SEMA6B: variants seen among roughly 807,000 people sequenced by gnomAD.
SEMA6B encodes the protein semaphorin 6B.
A neutral mutation model predicts 78.6 loss-of-function variants in SEMA6B; 47 were observed. That is an observed-to-expected ratio of 0.60 (90% CI 0.47 to 0.76). SEMA6B has a LOEUF of 0.76. SEMA6B is among the 30% of genes least tolerant of loss of function. SEMA6B has a pLI of 0.00. For missense variants in SEMA6B, 1,213 were observed against 1,269.9 expected (o/e 0.96, Z 0.68); for synonymous variants, 632 against 592.2 (o/e 1.07, Z -0.98).
intron 9 of SEMA6B, 30 bp downstream of exon 9, chr19:4,554,358 C>A (rs755578778): frequency 2.6e-6 from 4 of 1,560,828 alleles, no homozygotes; most frequent in Non-Finnish European, 3.5e-6. Flanking sequence ...CAGAGCCTCT[C>A]AACTTCATGC....
chr19:4,546,530 T>TGA, intron 14 of SEMA6B, 61 bp from the exon 15 acceptor site: 1 of 1,222,178 alleles, frequency 8.2e-7, no homozygotes, highest in Non-Finnish European at 1.1e-6. Context: ...ACCCCAATGG[T>TGA]GATGGTGACC....
chr19:4,545,046 T>C (rs1359494883), intron 16 of SEMA6B, among the ~76,000 whole-genome samples: 1 of 152,044 alleles, frequency 6.6e-6, no homozygotes, highest in East Asian at 1.9e-4. Context: ...GTTTGTTTTA[T>C]TAAAGACAGG....
rs1977219522 is a variant in SEMA6B at position 4,548,134 on chromosome 19, C to G, written c.1494G>C (p.Leu498=). Residue 498 remains leucine, a synonymous_variant, in exon 14 of 17, where the codon CTG becomes CTC. Coordinates refer to ENST00000586582, the MANE Select transcript of SEMA6B (RefSeq NM_032108.4). The part of the protein sequence containing the change: ...RPGGGETGQR[L]LSLELDAASG... ...AAGCTGCGTCCAGCTCCAAGCTCAG[C>G]AGCCGCTGCCCTGTCTCGCCACCGC... 6.3e-7 allele frequency: 1 copy of G among 1,591,880 alleles called. No individual in the cohort carries two copies. Among genetic ancestry groups the G allele is most frequent in the African/African-American group, 1.3e-5 (1 of 74,642 alleles).
rs1222206290 is a variant in SEMA6B, at chr19:4,546,279, T to C, written c.1680-5A>G. ...ACGTCCTGCTCAAAGGCGGCTCTAA[T>C]GGGGAGAGGAGGCACCGTCAGCAGA... On this transcript the variant is annotated splice_polypyrimidine_tract_variant and splice_region_variant and intron_variant, in intron 15 of 16. Coordinates refer to ENST00000586582, the MANE Select transcript of SEMA6B (RefSeq NM_032108.4). The C allele has an allele frequency of 4.3e-6, 7 of 1,613,356 alleles. No individual in the cohort carries two copies. The highest frequency in any genetic ancestry group is 3.3e-5 in the Admixed American group (2 of 59,952).
intron 16 of SEMA6B, among the ~76,000 whole-genome samples, chr19:4,545,257 A>G (rs1977134480): frequency 6.7e-6 from 1 of 149,878 alleles, no homozygotes; most frequent in Non-Finnish European, 1.5e-5. Flanking sequence ...AGGAGAATCA[A>G]TTGAACCCGG....
Position 4,542,981 on chromosome 19 carries a change from C to A in SEMA6B, c.*620G>T. 2.9e-6 allele frequency: 2 copies of A among 698,860 alleles called. No individual in the cohort carries two copies. Among genetic ancestry groups the A allele is most frequent in the African/African-American group, 3.5e-5 (2 of 57,202 alleles). The allele number at this position is 698,860 out of a possible 1,614,324, so 43.3% of individuals were successfully genotyped here. On this transcript the variant is annotated 3_prime_UTR_variant, in exon 17 of 17. Coordinates refer to ENST00000586582, the MANE Select transcript of SEMA6B (RefSeq NM_032108.4). Reference sequence around the variant, plus strand: ...GAAGCCCCAGCGTCGGCTCAGCCAACGCCCAGGCCGCTGGGGCCACCACGA... The same window carrying A: ...GAAGCCCCAGCGTCGGCTCAGCCAAAGCCCAGGCCGCTGGGGCCACCACGA...
Position 4,550,357 on chromosome 19 carries a change from C to G in SEMA6B, c.1122-85G>C. On this transcript the variant is annotated intron_variant, in intron 11 of 16. Transcript: ENST00000586582. This position sits in a 1 kb window ranked among gnomAD's most constrained non-coding sequence, Gnocchi z 6.6. ...TCACCAGAGGTACCCATTGCTTTGCCCAACGACCCTCAGGTTTTTTGTTTG... is the reference window on the plus strand; with the variant it reads ...TCACCAGAGGTACCCATTGCTTTGCGCAACGACCCTCAGGTTTTTTGTTTG... 2 of 1,438,852 alleles carry G rather than the reference C, an allele frequency of 1.4e-6. No individual in the cohort carries two copies. The highest frequency in any genetic ancestry group is 1.2e-5 in the South Asian group (1 of 85,534). The allele number at this position is 1,438,852 out of a possible 1,614,324, so 89.1% of individuals were successfully genotyped here. A position where few individuals can be genotyped will look rare whatever the true frequency, so the allele number is the denominator to read the frequency against.
chr19:4,555,368 A>C lies in SEMA6B; in HGVS notation c.562+106T>G. 1 of 1,008,218 alleles carries C rather than the reference A, an allele frequency of 9.9e-7. No individual in the cohort carries two copies. Among genetic ancestry groups the C allele is most frequent in the Non-Finnish European group, 1.5e-6 (1 of 678,662 alleles). 62.5% of individuals were successfully genotyped at this position (1,008,218 alleles called of 1,614,324 possible). A position where few individuals can be genotyped will look rare whatever the true frequency, so the allele number is the denominator to read the frequency against. On this transcript the variant is annotated intron_variant, in intron 7 of 16. Coordinates refer to ENST00000586582, the MANE Select transcript of SEMA6B (RefSeq NM_032108.4). This position sits in a 1 kb window ranked among gnomAD's most constrained non-coding sequence, Gnocchi z 6.1. ...AGTCTGCCCATGTCACAGCTGGGAC[A>C]AGTGGTCGTCCAGCTGCCTTCTAAA...
chr19:4,553,497 T>C (rs987797944), intron 9 of SEMA6B, among the ~76,000 whole-genome samples: 15 of 149,536 alleles, frequency 1.0e-4, no homozygotes, highest in African/African-American at 3.7e-4. Context: ...GATGGATGGG[T>C]GTGTGGGTGG....
At chr19:4,556,489 G>C (rs1977472913) in intron 5 of SEMA6B, among the ~76,000 whole-genome samples, 1 of 151,422 alleles carries the variant, frequency 6.6e-6, no homozygotes, top group African/African-American at 2.4e-5. Context: ...GAGCTGGTGG[G>C]GTGGGCGTGG....
intron 3 of SEMA6B, 74 bp from the exon 4 acceptor site, chr19:4,557,297 T>G (rs1599783777): frequency 2.7e-6 from 3 of 1,098,606 alleles, no homozygotes; most frequent in Non-Finnish European, 4.0e-6. Flanking sequence ...CCACTGCCAA[T>G]GTGGTGTGCA....
intron 14 of SEMA6B, 63 bp from the exon 15 acceptor site, chr19:4,546,532 A>ACCATCACCAT: frequency 8.4e-7 from 1 of 1,189,020 alleles, no homozygotes; most frequent in Non-Finnish European, 1.2e-6. Flanking sequence ...CCCAATGGTG[A>ACCATCACCAT]TGGTGACCTG....
Position 4,544,635 on chromosome 19 carries a change from TTTTA to T in SEMA6B, c.1739-110_1739-107del, listed in dbSNP as rs1315997710. 12 of 591,980 alleles carry T rather than the reference TTTTA, an allele frequency of 2.0e-5. No homozygotes were observed. Among genetic ancestry groups the T allele is most frequent in the Non-Finnish European group, 3.0e-5 (12 of 400,430 alleles). The allele number at this position is 591,980 out of a possible 1,614,324, so 36.7% of individuals were successfully genotyped here. A position where few individuals can be genotyped will look rare whatever the true frequency, so the allele number is the denominator to read the frequency against. On this transcript the variant is annotated intron_variant, in intron 16 of 16. Transcript: ENST00000586582. This position sits in a 1 kb window ranked among gnomAD's most constrained non-coding sequence, Gnocchi z 5.1. Reference sequence around the variant, plus strand: ...CCTCTTTTTTATTATTTTTATTTTTTTTTATTTATTTATTTTTTGAGAAGGAGTC... The same window carrying T: ...CCTCTTTTTTATTATTTTTATTTTTTTTTATTTATTTTTTGAGAAGGAGTC...
intron 9 of SEMA6B, among the ~76,000 whole-genome samples, chr19:4,553,642 G>A (rs1260276678): frequency 2.0e-5 from 3 of 149,534 alleles, no homozygotes; most frequent in East Asian, 2.0e-4. Flanking sequence ...ATGGATGGGT[G>A]GGTGGATAGG....
chr19:4,547,371 T>C (rs1170374542), intron 14 of SEMA6B, among the ~76,000 whole-genome samples: 4 of 152,306 alleles, frequency 2.6e-5, no homozygotes, highest in Non-Finnish European at 4.4e-5. Flanking sequence ...CTCCAGAAAG[T>C]AAATGTTTGC....
chr19:4,556,056 G>A lies in SEMA6B; in HGVS notation c.403C>T (p.Leu135Phe), dbSNP rs915540598. The A allele has an allele frequency of 6.2e-7, 1 of 1,614,168 alleles. No individual in the cohort carries two copies. Residue 135 changes from leucine to phenylalanine, a missense_variant, in exon 6 of 17, where the codon CTT becomes TTT. Transcript: ENST00000586582. ...ACAAAGAGCGTGGACTCGTCCCGAA[G>A]GAGCAGCACCTTTACGAAGTTTCGA... is the stretch of plus-strand genomic sequence containing the variant. The part of the protein sequence containing the change: ...ECRNFVKVLL[L>F]RDESTLFVCG...
Position 4,558,099 on chromosome 19 carries a change from G to A in SEMA6B, c.172C>T (p.Pro58Ser). 1 of 1,537,586 alleles carries A rather than the reference G, an allele frequency of 6.5e-7. No homozygotes were observed. The highest frequency in any genetic ancestry group is 8.8e-7 in the Non-Finnish European group (1 of 1,135,486). ...FVGSGPGRLT[P>S]AEGADDLNIQ... Reference sequence around the variant, plus strand: ...TTGAGGTCGTCAGCACCTTCTGCGGGGGTCAGGCGTCCGGGCCCGCTGCCC... The same window carrying A: ...TTGAGGTCGTCAGCACCTTCTGCGGAGGTCAGGCGTCCGGGCCCGCTGCCC... The change falls in exon 3 of 17, where the codon CCC (proline) becomes TCC (serine). Residue 58 changes from proline to serine, a missense_variant. Pro to Ser is a moderately conservative substitution (Grantham distance 74). Coordinates refer to ENST00000586582, the MANE Select transcript of SEMA6B (RefSeq NM_032108.4). This position sits in a 1 kb window ranked among gnomAD's most constrained non-coding sequence, Gnocchi z 5.1.
Position 4,552,280 on chromosome 19 carries a change from C to T in SEMA6B, c.989+142G>A, listed in dbSNP as rs1977352165. 6.3e-6 allele frequency: 5 copies of T among 796,640 alleles called. No individual in the cohort carries two copies. Among genetic ancestry groups the T allele is most frequent in the African/African-American group, 3.5e-5 (2 of 57,238 alleles). The allele number at this position is 796,640 out of a possible 1,614,324, so 49.3% of individuals were successfully genotyped here. The stretch of plus-strand genomic sequence containing the variant: ...GGGTCAGTGTCAGCTTGTCCCACCC[C>T]AGCCTGGGGCCGAGGCCTCTCAGAG... On this transcript the variant is annotated intron_variant, in intron 10 of 16. Transcript: ENST00000586582. This position sits in a 1 kb window ranked among gnomAD's most constrained non-coding sequence, Gnocchi z 7.4.
In SEMA6B at chr19:4,555,886, T is replaced by C; in HGVS notation, c.471+102A>G. ...GGAGAGTATATCCAGGAAGGCTTCC[T>C]GGAGGAGGTGACACGGCCTGGGGAA... On this transcript the variant is annotated intron_variant, in intron 6 of 16. Transcript: ENST00000586582. This position sits in a 1 kb window ranked among gnomAD's most constrained non-coding sequence, Gnocchi z 6.1. 8.6e-6 allele frequency: 8 copies of C among 932,346 alleles called. No homozygotes were observed. Among genetic ancestry groups the C allele is most frequent in the Non-Finnish European group, 1.4e-5 (8 of 567,040 alleles). 57.8% of individuals were successfully genotyped at this position (932,346 alleles called of 1,614,324 possible). A position where few individuals can be genotyped will look rare whatever the true frequency, so the allele number is the denominator to read the frequency against.
Sources: allele counts gnomAD v4.1 joint callset (sites outside exome capture counted in the v4.1 genomes callset), GRCh38; gene constraint gnomAD v4.1.1; non-coding constraint Gnocchi (gnomAD v3.1); transcripts MANE v1.5; gene names NCBI Gene and HGNC (gene_info 2026-07-23, HGNC 2026-07-21).